Variants in ADGRV1 observed in about 807,000 individuals in gnomAD.
ADGRV1 encodes the protein G-protein coupled receptor 98.
A neutral mutation model predicts 596.2 loss-of-function variants in ADGRV1; 359 were observed. The observed-to-expected ratio is 0.60, with a 90% confidence interval of 0.55 to 0.66. The LOEUF is 0.66. Ranked by LOEUF, ADGRV1 falls within the 30% of genes least tolerant of loss-of-function variation. The pLI is 0.00. For missense variants in ADGRV1, 7,274 were observed against 7,575.6 expected (o/e 0.96, Z 1.48); for synonymous variants, 2,681 against 2,679.2 (o/e 1.00, Z -0.02).
intron 85 of ADGRV1, 110 bp from the exon 86 acceptor site, chr5:91,072,337 C>A (rs1788461434): frequency 1.0e-6 from 1 of 973,876 alleles, no homozygotes; most frequent in Admixed American, 1.9e-5. Context: ...TCTGATGTTG[C>A]CAGCATCTGG....
chr5:90,950,883 C>G (rs1204633053), intron 83 of ADGRV1, among the ~76,000 whole-genome samples: 1 of 151,762 alleles, frequency 6.6e-6, no homozygotes, highest in East Asian at 1.9e-4. Flanking sequence ...TTACCTGTAT[C>G]TCTCTTTCTT....
chr5:90,590,581 G>A (rs1313208192), intron 1 of ADGRV1, among the ~76,000 whole-genome samples: 1 of 152,138 alleles, frequency 6.6e-6, no homozygotes, highest in Non-Finnish European at 1.5e-5. Flanking sequence ...ACTTAATGAC[G>A]TAGCTTCAGA....
intron 83 of ADGRV1, among the ~76,000 whole-genome samples, chr5:90,873,080 C>T (rs1768861901): frequency 6.6e-6 from 1 of 152,156 alleles, no homozygotes; most frequent in Non-Finnish European, 1.5e-5. Context: ...TATGTAGTTG[C>T]CTACCTGCCT....
At chr5:90,875,374 A>G (rs1458866048) in intron 83 of ADGRV1, among the ~76,000 whole-genome samples, 1 of 152,252 alleles carries the variant, frequency 6.6e-6, no homozygotes, top group African/African-American at 2.4e-5. Flanking sequence ...CAAGCCAGCC[A>G]CCAAAGCTTA....
intron 84 of ADGRV1, among the ~76,000 whole-genome samples, chr5:90,977,331 A>C (rs554158168): frequency 2.0e-5 from 3 of 152,238 alleles, no homozygotes; most frequent in African/African-American, 4.8e-5. Context: ...GATTAAGGGC[A>C]TATGGAATAG....
chr5:91,044,401 T>A (rs1262772151), intron 85 of ADGRV1, among the ~76,000 whole-genome samples: 1 of 152,198 alleles, frequency 6.6e-6, no homozygotes, highest in Non-Finnish European at 1.5e-5. Context: ...AAAATGATAA[T>A]ACTTTCTATC....
In ADGRV1 at chr5:90,745,344, G is replaced by A. The variant is rs2438356; in HGVS notation, c.10769+79G>A. On this transcript the variant is annotated intron_variant, in intron 51 of 89. Coordinates refer to ENST00000405460, the MANE Select transcript of ADGRV1 (RefSeq NM_032119.4). ...ACAGCTCATTTCCAAGTCATTATTT[G>A]GTGACTGAAAAATATACAAAATATA... The A allele has an allele frequency of 0.48, 468,857 of 983,786 alleles. 113,335 individuals are homozygous for A. The highest frequency in any genetic ancestry group is 0.64 in the African/African-American group (39,757 of 61,794). The allele number at this position is 983,786 out of a possible 1,614,324, so 60.9% of individuals were successfully genotyped here.
At chr5:91,041,156 T>G (rs1240805569) in intron 85 of ADGRV1, among the ~76,000 whole-genome samples, 1 of 152,220 alleles carries the variant, frequency 6.6e-6, no homozygotes, top group Non-Finnish European at 1.5e-5. Context: ...TAAAGGATTA[T>G]AAATCATTCT....
intron 87 of ADGRV1, among the ~76,000 whole-genome samples, chr5:91,111,263 C>T (rs2126694367): frequency 1.3e-5 from 2 of 152,206 alleles, no homozygotes; most frequent in Middle Eastern, 6.8e-3. Flanking sequence ...CTGCCTTTTA[C>T]CCTTTCTTTT....
chr5:90,894,480 G>A (rs1771114547), intron 83 of ADGRV1, among the ~76,000 whole-genome samples: 2 of 152,182 alleles, frequency 1.3e-5, no homozygotes, highest in Non-Finnish European at 1.5e-5. Flanking sequence ...ATGGCCGGCT[G>A]TGGGGTGGGA....
At chr5:90,593,165 G>A (rs1040315555) in intron 1 of ADGRV1, among the ~76,000 whole-genome samples, 1 of 152,072 alleles carries the variant, frequency 6.6e-6, no homozygotes, top group African/African-American at 2.4e-5. Flanking sequence ...TGTTTATTGC[G>A]GCACTGTTCA....
At chr5:90,834,565 T>G (rs1764798864) in intron 77 of ADGRV1, among the ~76,000 whole-genome samples, 1 of 131,222 alleles carries the variant, frequency 7.6e-6, no homozygotes, top group East Asian at 2.0e-4. Context: ...TTTAGGATTC[T>G]TTTTTTTTTT....
intron 41 of ADGRV1, 31 bp from the exon 42 acceptor site, chr5:90,712,256 T>G: frequency 1.5e-6 from 2 of 1,352,734 alleles, no homozygotes; most frequent in Non-Finnish European, 2.0e-6. Flanking sequence ...TATATAAATA[T>G]AATACATTCT....
chr5:90,783,445 G>A, intron 66 of ADGRV1, 120 bp downstream of exon 66: 1 of 741,376 alleles, frequency 1.3e-6, no homozygotes, highest in Non-Finnish European at 2.3e-6. Context: ...GAAAACAACA[G>A]GTGAAATACT....
At chr5:90,641,630 A>G (rs1766982632) in intron 11 of ADGRV1, among the ~76,000 whole-genome samples, 1 of 152,212 alleles carries the variant, frequency 6.6e-6, no homozygotes, top group South Asian at 2.1e-4. Flanking sequence ...TCAGATTTCT[A>G]AAAACTAGGG....
In ADGRV1 at chr5:90,783,906, T is replaced by TA; in HGVS notation, c.13503dup (p.Val4502SerfsTer8). The TA allele has an allele frequency of 6.2e-7, 1 of 1,612,396 alleles. No individual in the cohort carries two copies. The highest frequency in any genetic ancestry group is 8.5e-7 in the Non-Finnish European group (1 of 1,179,278). ...GGAGGAGCGGTCCTTGGGCGCCACC[T>TA]AGTGAGCAGAATCATAATAGCTAAG... On this transcript the variant is annotated frameshift_variant, in exon 67 of 90. Coordinates refer to ENST00000405460, the MANE Select transcript of ADGRV1 (RefSeq NM_032119.4). LOFTEE classifies it high-confidence loss of function.
chr5:90,633,424 ACAGTATTAT>A (rs1423436428), intron 9 of ADGRV1, among the ~76,000 whole-genome samples: 2 of 152,028 alleles, frequency 1.3e-5, no homozygotes, highest in Non-Finnish European at 2.9e-5. Flanking sequence ...GATGCTTAAC[ACAGTATTAT>A]CAGTTTAGCT....
Position 90,710,996 on chromosome 5 carries a change from C to T in ADGRV1, c.8840C>T (p.Thr2947Ile). The change falls in exon 40 of 90, where the codon ACT becomes ATT. Residue 2947 changes from threonine to isoleucine, a missense_variant. By Grantham distance (89) the Thr-to-Ile change is moderately conservative. Around this residue, in one of 5 missense-constraint regions of ADGRV1, gnomAD observed 3,643 missense variants for 3,809.2 expected, o/e 0.96. Coordinates refer to ENST00000405460, the MANE Select transcript of ADGRV1 (RefSeq NM_032119.4). Reference sequence around the variant, plus strand: ...GTTTTTTAAGATTCAGAAGGTTTGACTGCACAAGTTATTATTGATGCCAAT... The same window carrying T: ...GTTTTTTAAGATTCAGAAGGTTTGATTGCACAAGTTATTATTGATGCCAAT... ...FPPRLDSEGL[T>I]AQVIIDANDG... The T allele has an allele frequency of 6.2e-7, 1 of 1,606,924 alleles. No homozygotes were observed. The highest frequency in any genetic ancestry group is 1.7e-4 in the Middle Eastern group (1 of 6,056).
At chr5:90,953,475 T>G (rs1777216551) in intron 83 of ADGRV1, among the ~76,000 whole-genome samples, 2 of 152,174 alleles carry the variant, frequency 1.3e-5, no homozygotes, top group African/African-American at 2.4e-5. Flanking sequence ...TTTATATGCT[T>G]CTTTCTCCAA....
Sources: gnomAD v4.1 joint callset for allele counts (sites outside exome capture counted in the v4.1 genomes callset) on GRCh38, gnomAD v4.1.1 for gene constraint, gnomAD v4.1.1 regional missense constraint, MANE v1.5 for transcripts, NCBI Gene and HGNC (gene_info 2026-07-23, HGNC 2026-07-21) for gene names.